CEP290: variants seen among roughly 807,000 people sequenced by gnomAD.
CEP290 encodes the protein centrosomal protein 290.
In CEP290, 317 loss-of-function variants were observed where a neutral mutation model predicts 344.9. The observed-to-expected ratio is 0.92, with a 90% CI of 0.84 to 1.01. The LOEUF is 1.01. Among genes scored for constraint, CEP290 ranks in the 50% least tolerant of loss-of-function variants. The pLI is 0.00. For missense variants in CEP290, 2,754 were observed against 2,761.4 expected (o/e 1.00, Z 0.06); for synonymous variants, 932 against 895.8 (o/e 1.04, Z -0.72).
Position 88,114,412 on chromosome 12 carries a change from T to A in CEP290, c.2052+8A>T. 1 of 1,535,304 alleles carries A rather than the reference T, an allele frequency of 6.5e-7. No individual in the cohort carries two copies. Among genetic ancestry groups the A allele is most frequent in the Non-Finnish European group, 8.8e-7 (1 of 1,140,772 alleles). ...GGGAAAAACATTAACATGAAAAAAA[T>A]AACTTACATTAACTAGTCTTTCAAG... On this transcript the variant is annotated splice_region_variant and intron_variant, in intron 20 of 53. Transcript: ENST00000552810.
chr12:88,103,554 C>T (rs2038059615), intron 25 of CEP290: 1 of 152,224 alleles, frequency 6.6e-6, no homozygotes. Flanking sequence ...TTACTTGGTT[C>T]ATGGTTCTAC....
chr12:88,049,575 C>G (rs761577764), intron 53 of CEP290, 161 bp from the exon 54 acceptor site: 2 of 553,264 alleles, frequency 3.6e-6, no homozygotes, highest in Non-Finnish European at 6.4e-6. Context: ...TTCCATTGTA[C>G]AGTGTAAATA....
chr12:88,137,591 A>C (rs2040416998), intron 5 of CEP290, among the ~76,000 whole-genome samples: 2 of 152,172 alleles, frequency 1.3e-5, no homozygotes, highest in South Asian at 4.1e-4. Flanking sequence ...TCCTCCAAAA[A>C]GCATTCCATT....
rs548924514 is a variant in CEP290, at chr12:88,063,328, A to T, written c.6271-550T>A. 6.6e-5 allele frequency among the ~76,000 whole-genome samples: 10 copies of T among 152,202 alleles called. No individual in the cohort carries two copies. In the South Asian group the frequency reaches 2.1e-3, roughly 32 times the overall value. On this transcript the variant is annotated intron_variant, in intron 45 of 53. Transcript: ENST00000552810. The stretch of plus-strand genomic sequence containing the variant: ...ATTAGCTAGCCAAAAGAAAAAAAAG[A>T]TTCCCATAAATAGGGTAAGACTTGG...
At position 88,131,228 on chromosome 12, in the gene CEP290, TAA is replaced by T. The variant is rs199511358; in HGVS notation, c.442-12_442-11del. 267 of 1,117,406 alleles carry T rather than the reference TAA, an allele frequency of 2.4e-4. No homozygotes were observed. Among genetic ancestry groups the T allele is most frequent in the South Asian group, 4.2e-4 (23 of 55,324 alleles). 69.2% of individuals were successfully genotyped at this position (1,117,406 alleles called of 1,614,324 possible). A position where few individuals can be genotyped will look rare whatever the true frequency, so the allele number is the denominator to read the frequency against. ...CATTTCGAAGAGCCAACTAAAATAG[TAA>T]AAAAAAAAAATAAATAAGAAGAAGA... On this transcript the variant is annotated splice_polypyrimidine_tract_variant and intron_variant, in intron 6 of 53. Coordinates refer to ENST00000552810, the MANE Select transcript of CEP290 (RefSeq NM_025114.4).
intron 13 of CEP290, among the ~76,000 whole-genome samples, chr12:88,122,564 G>C (rs1253241938): frequency 1.3e-5 from 2 of 152,114 alleles, no homozygotes; most frequent in Non-Finnish European, 2.9e-5. Flanking sequence ...TCAAGATGTA[G>C]AGTACAGTCT....
At chr12:88,136,984 A>T (rs1017180997) in intron 5 of CEP290, among the ~76,000 whole-genome samples, 198 bp from the exon 6 acceptor site, 2 of 152,112 alleles carry the variant, frequency 1.3e-5, no homozygotes, top group Admixed American at 6.5e-5. Flanking sequence ...ATAACTCCTT[A>T]AATTTTTCCT....
Position 88,068,544 on chromosome 12 carries a change from T to A in CEP290, c.6113A>T (p.Lys2038Met). ...TACTGAAGGCTTAGAATATGTATCC[T>A]TTGAAAACTGTTTTTCTAAAGCATG... is the stretch of plus-strand genomic sequence containing the variant. ...KLHALEKQFS[K>M]DTYSKPSISG... Residue 2038 changes from lysine (K) to methionine (M), a missense_variant, in exon 44 of 54, where the codon AAG (lysine) becomes ATG (methionine). Physicochemically the swap from Lys to Met is moderately conservative, Grantham distance 95. Coordinates refer to ENST00000552810, the MANE Select transcript of CEP290 (RefSeq NM_025114.4). 1 of 1,569,290 alleles carries A rather than the reference T, an allele frequency of 6.4e-7. No homozygotes were observed.
chr12:88,068,880 A>G lies in CEP290; in HGVS notation c.6012-235T>C, dbSNP rs184369374. 2.1e-3 allele frequency among the ~76,000 whole-genome samples: 326 copies of G among 152,294 alleles called. 2 individuals are homozygous for G. Among genetic ancestry groups the G allele is most frequent in the African/African-American group, 7.5e-3 (313 of 41,582 alleles). ...GCCTCCTTTAAATGATGAGTCAAAA[A>G]GTATATTTTGATTTACTGAAATACA... On this transcript the variant is annotated intron_variant, in intron 43 of 53. Coordinates refer to ENST00000552810, the MANE Select transcript of CEP290 (RefSeq NM_025114.4).
intron 32 of CEP290, among the ~76,000 whole-genome samples, chr12:88,087,263 A>G (rs957169474): frequency 6.6e-6 from 1 of 152,196 alleles, no homozygotes; most frequent in Admixed American, 6.5e-5. Flanking sequence ...AACTTACCAA[A>G]TGAGGTTGCT....
At chr12:88,141,366 C>A (rs2040650439) in intron 1 of CEP290, 32 bp from the exon 2 acceptor site, 1 of 1,101,272 alleles carries the variant, frequency 9.1e-7, no homozygotes, top group South Asian at 1.5e-5. Context: ...TTAGCATTTT[C>A]AAGGTACACA....
intron 3 of CEP290, 146 bp from the exon 4 acceptor site, chr12:88,139,710 T>C (rs541624933): frequency 1.5e-5 from 9 of 591,758 alleles, no homozygotes; most frequent in Middle Eastern, 1.0e-3. Flanking sequence ...GCTGAATAAA[T>C]AGTTTTTGGT....
At chr12:88,065,001 A>G (rs2034794305) in intron 44 of CEP290, among the ~76,000 whole-genome samples, 1 of 152,028 alleles carries the variant, frequency 6.6e-6, no homozygotes, top group Non-Finnish European at 1.5e-5. Context: ...ATTTCTTTTG[A>G]CCTGAATCTA....
chr12:88,058,667 T>C (rs2034209608), intron 49 of CEP290, 181 bp downstream of exon 49: 5 of 664,088 alleles, frequency 7.5e-6, no homozygotes, highest in South Asian at 6.0e-5. Flanking sequence ...AAGTTAAACA[T>C]TTCAAGGAAG....
chr12:88,051,027 G>A (rs1415099950), intron 52 of CEP290, among the ~76,000 whole-genome samples: 1 of 152,000 alleles, frequency 6.6e-6, no homozygotes, highest in Non-Finnish European at 1.5e-5. Context: ...AACTTTATCA[G>A]CAGGCAAATA....
chr12:88,130,530 C>T lies in CEP290; in HGVS notation c.516+15G>A, dbSNP rs1429420384. 9 of 1,593,626 alleles carry T rather than the reference C, an allele frequency of 5.6e-6. No individual in the cohort carries two copies. The East Asian group carries it at 1.6e-4, about 28-fold the overall frequency. ...ATTTTAAATTCCCAAGATTTCACCACACTTAAAGCCTCACCTTTTTCTTTA... is the reference window on the plus strand; with the variant it reads ...ATTTTAAATTCCCAAGATTTCACCATACTTAAAGCCTCACCTTTTTCTTTA... On this transcript the variant is annotated intron_variant, in intron 8 of 53. Coordinates refer to ENST00000552810, the MANE Select transcript of CEP290 (RefSeq NM_025114.4).
chr12:88,139,718 G>T (rs886773838), intron 3 of CEP290, among the ~76,000 whole-genome samples, 154 bp from the exon 4 acceptor site: 20 of 152,138 alleles, frequency 1.3e-4, no homozygotes, highest in African/African-American at 1.9e-4. Context: ...AATAGTTTTT[G>T]GTTTTTGTTT....
At chr12:88,095,237 C>T (rs1194160311) in intron 27 of CEP290, among the ~76,000 whole-genome samples, 4 of 152,004 alleles carry the variant, frequency 2.6e-5, no homozygotes. Context: ...AGCAGACTAG[C>T]CATCTTGTAT....
intron 22 of CEP290, 28 bp from the exon 23 acceptor site, chr12:88,109,209 C>T (rs1214061004): frequency 4.6e-6 from 3 of 647,906 alleles, no homozygotes; most frequent in South Asian, 2.2e-5. Flanking sequence ...AATAAGAATG[C>T]AAAAAAAAAC....
Sources: allele counts gnomAD v4.1 joint callset (sites outside exome capture counted in the v4.1 genomes callset), GRCh38; gene constraint gnomAD v4.1.1; transcripts MANE v1.5; gene names NCBI Gene and HGNC (gene_info 2026-07-23, HGNC 2026-07-21).